Variants in CACNA2D1 observed in about 807,000 individuals in gnomAD.
The protein encoded by CACNA2D1 is calcium voltage-gated channel auxiliary subunit alpha2delta 1.
A neutral mutation model predicts 171.5 loss-of-function variants in CACNA2D1; 53 were observed. The observed-to-expected ratio is 0.31, with a 90% CI of 0.25 to 0.39. The LOEUF (loss-of-function observed/expected upper bound fraction) is 0.39. CACNA2D1 is among the 10% of genes least tolerant of loss of function. CACNA2D1 has a pLI of 1.00. For missense variants in CACNA2D1, 903 were observed against 1,299.8 expected (o/e 0.69, Z 4.69); for synonymous variants, 442 against 443.1 (o/e 1.00, Z 0.03).
intron 4 of CACNA2D1, among the ~76,000 whole-genome samples, chr7:82,165,509 T>C (rs1481462281): frequency 1.3e-5 from 2 of 152,076 alleles, no homozygotes; most frequent in African/African-American, 4.8e-5. Flanking sequence ...AGATAGGTTA[T>C]CACCCAGCAT....
At chr7:82,074,068 A>T (rs1021717126) in intron 7 of CACNA2D1, among the ~76,000 whole-genome samples, 1 of 152,222 alleles carries the variant, frequency 6.6e-6, no homozygotes, top group African/African-American at 2.4e-5. Flanking sequence ...TGAAGTTTGA[A>T]CTGTACATTA....
intron 3 of CACNA2D1, among the ~76,000 whole-genome samples, chr7:82,278,390 C>G (rs1809629712): frequency 6.6e-6 from 1 of 151,766 alleles, no homozygotes; most frequent in East Asian, 1.9e-4. Flanking sequence ...ACCAGCCTGG[C>G]CAACATGGCA....
chr7:82,227,994 C>T (rs1268259328), intron 3 of CACNA2D1, among the ~76,000 whole-genome samples: 1 of 151,932 alleles, frequency 6.6e-6, no homozygotes. Flanking sequence ...TATAACAATC[C>T]CCTACCCTAG....
At chr7:82,069,713 CTTT>C (rs3839803) in intron 7 of CACNA2D1, among the ~76,000 whole-genome samples, 20 of 150,296 alleles carry the variant, frequency 1.3e-4, no homozygotes, top group Middle Eastern at 3.4e-3. Flanking sequence ...CGAAGTACCC[CTTT>C]TTTTTTTATT....
At chr7:82,395,017 A>G (rs761894644) in intron 1 of CACNA2D1, among the ~76,000 whole-genome samples, 12 of 152,164 alleles carry the variant, frequency 7.9e-5, no homozygotes, top group Non-Finnish European at 1.5e-4. Context: ...AGCATTTCCC[A>G]TATTTGTTAG....
At chr7:82,274,714 A>G (rs555148810) in intron 3 of CACNA2D1, among the ~76,000 whole-genome samples, 11 of 152,294 alleles carry the variant, frequency 7.2e-5, no homozygotes, top group Admixed American at 5.2e-4. Flanking sequence ...TATGAATACA[A>G]TACACTTCCA....
At chr7:82,174,260 G>A (rs769371001) in intron 3 of CACNA2D1, among the ~76,000 whole-genome samples, 22 of 151,614 alleles carry the variant, frequency 1.5e-4, no homozygotes, top group Non-Finnish European at 1.8e-4. Context: ...GCACCACACA[G>A]AAATAAAAAA....
At chr7:82,099,364 A>G (rs1431611218) in intron 6 of CACNA2D1, among the ~76,000 whole-genome samples, 1 of 149,126 alleles carries the variant, frequency 6.7e-6, no homozygotes, top group Admixed American at 6.7e-5. Flanking sequence ...ACTGTTTAAT[A>G]TATTCTTTCT....
At chr7:82,266,772 C>G (rs1046495897) in intron 3 of CACNA2D1, among the ~76,000 whole-genome samples, 2 of 152,166 alleles carry the variant, frequency 1.3e-5, no homozygotes, top group African/African-American at 4.8e-5. Flanking sequence ...CCACCTCTGC[C>G]TCTCAAAGTG....
At chr7:82,112,638 C>A (rs1788594900) in intron 6 of CACNA2D1, among the ~76,000 whole-genome samples, 1 of 152,150 alleles carries the variant, frequency 6.6e-6, no homozygotes, top group Non-Finnish European at 1.5e-5. Flanking sequence ...TGAATACTAA[C>A]TTTTTTACTC....
intron 3 of CACNA2D1, among the ~76,000 whole-genome samples, chr7:82,228,093 G>T (rs1248287924): frequency 6.6e-6 from 1 of 152,048 alleles, no homozygotes; most frequent in Non-Finnish European, 1.5e-5. Flanking sequence ...TGTAATTAAG[G>T]TTCCTAATCA....
At chr7:82,344,793 C>A in intron 2 of CACNA2D1, among the ~76,000 whole-genome samples, 1 of 152,198 alleles carries the variant, frequency 6.6e-6, no homozygotes, top group Non-Finnish European at 1.5e-5. Flanking sequence ...TTAGTTACAG[C>A]ACTTAATTGT....
At chr7:81,979,790 G>C (rs1172831742) in intron 24 of CACNA2D1, among the ~76,000 whole-genome samples, 6 of 152,018 alleles carry the variant, frequency 3.9e-5, no homozygotes, top group Non-Finnish European at 4.4e-5. Context: ...TAATAAGATT[G>C]CAAGTATTAT....
intron 1 of CACNA2D1, among the ~76,000 whole-genome samples, chr7:82,387,673 T>C (rs1435148536): frequency 2.0e-5 from 3 of 152,146 alleles, no homozygotes; most frequent in Non-Finnish European, 4.4e-5. Context: ...AAGAGCACAA[T>C]AGTAATAGTT....
intron 1 of CACNA2D1, among the ~76,000 whole-genome samples, chr7:82,381,621 A>G (rs1823724104): frequency 6.6e-6 from 1 of 152,204 alleles, no homozygotes; most frequent in Non-Finnish European, 1.5e-5. Context: ...TCCTGCAGTT[A>G]TGAATCTTCA....
At chr7:81,982,465 T>G (rs1796539463) in intron 24 of CACNA2D1, 102 bp downstream of exon 24, 1 of 748,858 alleles carries the variant, frequency 1.3e-6, no homozygotes, top group Non-Finnish European at 2.5e-6. Flanking sequence ...GATTCCATAA[T>G]GTGATATGGA....
chr7:81,983,041 T>C (rs1796598245), intron 23 of CACNA2D1, among the ~76,000 whole-genome samples: 1 of 152,276 alleles, frequency 6.6e-6, no homozygotes, highest in South Asian at 2.1e-4. Context: ...AGTGAGTTAA[T>C]AACATTCCTC....
chr7:81,972,264 T>C (rs116685010), intron 25 of CACNA2D1, among the ~76,000 whole-genome samples: 13,986 of 151,234 alleles, frequency 0.092, 683 homozygotes, highest in Middle Eastern at 0.2. Flanking sequence ...GTATATAAAA[T>C]TTATATATAT....
At position 82,075,592 on chromosome 7, in the gene CACNA2D1, G is replaced by C. The variant is rs563023624; in HGVS notation, c.659-9068C>G. Among the ~76,000 whole-genome samples, 19 of 152,210 alleles carry C rather than the reference G, an allele frequency of 1.2e-4. No individual in the cohort carries two copies. The East Asian group carries it at 3.3e-3, about 26-fold the overall frequency. On this transcript the variant is annotated intron_variant, in intron 7 of 38. Transcript: ENST00000356860. ...TGTAAGCAAATAAATTCAATTAGAT[G>C]ACAATAATGACATTGCTAAAAACAT... is the stretch of plus-strand genomic sequence containing the variant.
Sources: allele counts gnomAD v4.1 joint callset (sites outside exome capture counted in the v4.1 genomes callset), GRCh38; gene constraint gnomAD v4.1.1; transcripts MANE v1.5; gene names NCBI Gene and HGNC (gene_info 2026-07-23, HGNC 2026-07-21).